LRRC37A2: variants seen among roughly 807,000 people sequenced by gnomAD.
The protein encoded by LRRC37A2 is leucine rich repeat containing 37 member A2.
Under a neutral mutation model 68.8 loss-of-function variants are expected in LRRC37A2, and 9 were observed. The ratio of observed to expected loss-of-function variants is 0.13; its 90% CI spans 0.08 to 0.23. The LOEUF is 0.23. Ranked by LOEUF, LRRC37A2 falls within the 10% of genes least tolerant of loss-of-function variation. The pLI, the probability that LRRC37A2 is intolerant of heterozygous loss-of-function variation, is 1.00. For synonymous variants in LRRC37A2, 63 were observed against 367.6 expected (o/e 0.17, Z 9.48); for missense variants, 168 against 950.4 (o/e 0.18, Z 10.82).
the LRRC37A2 span, among the ~76,000 whole-genome samples, chr17:46,894,721 C>A: frequency 2.0e-5 from 3 of 152,234 alleles, no homozygotes; most frequent in Admixed American, 6.5e-5. Flanking sequence ...TCACTCCCCC[C>A]ACCTGGCGTT....
At chr17:46,872,875 C>T in the LRRC37A2 span, 1 of 1,348,436 alleles carries the variant, frequency 7.4e-7, no homozygotes, top group Non-Finnish European at 9.9e-7. Flanking sequence ...GCTCCCGTGC[C>T]CAGGCCACAC....
the LRRC37A2 span, among the ~76,000 whole-genome samples, chr17:46,838,991 C>A: frequency 6.6e-6 from 1 of 152,102 alleles, no homozygotes; most frequent in Non-Finnish European, 1.5e-5. Context: ...CATTCTCCTG[C>A]CTCAGCCTCC....
chr17:46,721,389 T>G, the LRRC37A2 span, among the ~76,000 whole-genome samples: 1 of 152,194 alleles, frequency 6.6e-6, no homozygotes, highest in Non-Finnish European at 1.5e-5. Flanking sequence ...TTTCCCACAT[T>G]GTTTCCTTCT....
the LRRC37A2 span, among the ~76,000 whole-genome samples, chr17:46,920,117 C>G: frequency 2.6e-5 from 4 of 152,316 alleles, no homozygotes; most frequent in South Asian, 8.3e-4. Context: ...CCCTCCTCTT[C>G]ATCTCTACCA....
At chr17:46,881,060 A>C in the LRRC37A2 span, among the ~76,000 whole-genome samples, 1 of 152,200 alleles carries the variant, frequency 6.6e-6, no homozygotes, top group Non-Finnish European at 1.5e-5. Context: ...TTCCTTCCCA[A>C]CATGCTTTGG....
At chr17:46,990,897 T>C in the LRRC37A2 span, among the ~76,000 whole-genome samples, 106,351 of 151,956 alleles carry the variant, frequency 0.7, 37,835 homozygotes, top group Middle Eastern at 0.78. Flanking sequence ...TCTTGAACTC[T>C]TGGCCTCAAG....
chr17:46,798,767 A>G, the LRRC37A2 span, among the ~76,000 whole-genome samples: 7 of 152,198 alleles, frequency 4.6e-5, no homozygotes, highest in African/African-American at 1.4e-4. Flanking sequence ...AATCCCTGAT[A>G]GGCTGGGCGC....
chr17:46,964,448 A>G, the LRRC37A2 span: 1 of 152,244 alleles, frequency 6.6e-6, no homozygotes, highest in South Asian at 2.1e-4. Context: ...GCTGGAGAAC[A>G]GAACATGGCC....
the LRRC37A2 span, among the ~76,000 whole-genome samples, chr17:46,849,561 C>T: frequency 1.3e-5 from 2 of 152,314 alleles, no homozygotes; most frequent in Admixed American, 6.5e-5. Context: ...CTTCTGTGAT[C>T]GTGGTTCAAA....
At chr17:46,895,652 T>C in the LRRC37A2 span, among the ~76,000 whole-genome samples, 1 of 152,222 alleles carries the variant, frequency 6.6e-6, no homozygotes, top group Non-Finnish European at 1.5e-5. Flanking sequence ...TCCCAAGTTT[T>C]ATTTTCTTAA....
the LRRC37A2 span, among the ~76,000 whole-genome samples, chr17:46,768,085 G>A: frequency 1.3e-5 from 2 of 152,234 alleles, no homozygotes; most frequent in African/African-American, 4.8e-5. The surrounding 1 kb of genome is among the most constrained non-coding windows in gnomAD (Gnocchi z 5.0). Flanking sequence ...ACCGCACCCG[G>A]CCAACACTGG....
chr17:46,503,517 AT>A, the LRRC37A2 span, among the ~76,000 whole-genome samples: 75 of 135,776 alleles, frequency 5.5e-4, 5 homozygotes, highest in African/African-American at 2.2e-3. Context: ...AAATTTGACT[AT>A]TTGTATCATT....
the LRRC37A2 span, among the ~76,000 whole-genome samples, chr17:46,726,345 C>A: frequency 6.6e-6 from 1 of 152,222 alleles, no homozygotes; most frequent in Non-Finnish European, 1.5e-5. Flanking sequence ...AGGTGTGACA[C>A]ACACAGCTGT....
At chr17:46,755,887 C>A in the LRRC37A2 span, 1 of 1,496,856 alleles carries the variant, frequency 6.7e-7, no homozygotes, top group Non-Finnish European at 9.2e-7. Context: ...GGCCTAGGAT[C>A]TTCACTGTCT....
the LRRC37A2 span, among the ~76,000 whole-genome samples, chr17:46,857,473 T>TAAAA: frequency 1.5e-5 from 1 of 67,166 alleles, no homozygotes; most frequent in African/African-American, 8.1e-5. Context: ...AGACTCTGTC[T>TAAAA]CAAAAAAAAA....
At chr17:46,388,432 CAT>C in the LRRC37A2 span, among the ~76,000 whole-genome samples, 1 of 60,358 alleles carries the variant, frequency 1.7e-5, no homozygotes, top group African/African-American at 5.0e-5. Flanking sequence ...TGTGGTGGCG[CAT>C]GCCTGTAATC....
chr17:46,862,835 C>T, the LRRC37A2 span, among the ~76,000 whole-genome samples: 1 of 152,228 alleles, frequency 6.6e-6, no homozygotes, highest in African/African-American at 2.4e-5. Context: ...CCGCCCGCCT[C>T]GGCCTCCCAG....
the LRRC37A2 span, among the ~76,000 whole-genome samples, chr17:47,027,839 G>C: frequency 1.3e-5 from 2 of 152,240 alleles, no homozygotes; most frequent in Non-Finnish European, 2.9e-5. Flanking sequence ...CTCAGCTGGT[G>C]TGATTTTGTA....
chr17:46,808,168 G>T, the LRRC37A2 span, among the ~76,000 whole-genome samples: 1 of 152,226 alleles, frequency 6.6e-6, no homozygotes, highest in South Asian at 2.1e-4. Context: ...AGGCCCGGGA[G>T]GCAGTGATTT....
Sources: gnomAD v4.1 joint callset for allele counts (sites outside exome capture counted in the v4.1 genomes callset) on GRCh38, gnomAD v4.1.1 for gene constraint, Gnocchi (gnomAD v3.1) non-coding constraint, MANE v1.5 for transcripts, NCBI Gene and HGNC (gene_info 2026-07-23, HGNC 2026-07-21) for gene names.